Variants in EPHA6 observed in about 807,000 individuals in gnomAD.
The protein encoded by EPHA6 is ephrin type-A receptor 6.
EPHA6 carries 50 observed loss-of-function variants against 112.0 expected under a neutral mutation model. The ratio of observed to expected loss-of-function variants is 0.45; its 90% CI spans 0.36 to 0.56. The LOEUF is 0.56. Ranked by LOEUF, EPHA6 falls within the 20% of genes least tolerant of loss-of-function variation. The pLI, the probability that EPHA6 is intolerant of heterozygous loss-of-function variation, is 0.00. For missense variants in EPHA6, 1,280 were observed against 1,417.4 expected, an observed-to-expected ratio of 0.90 and a Z score of 1.56; for synonymous variants, 529 against 490.7, an observed-to-expected ratio of 1.08 and a Z score of -1.03.
At chr3:97,245,402 T>G (rs2108584968) in intron 5 of EPHA6, among the ~76,000 whole-genome samples, 1 of 152,104 alleles carries the variant, frequency 6.6e-6, no homozygotes, top group East Asian at 1.9e-4. Flanking sequence ...TCATTTTACC[T>G]TAATTACTCT....
Position 97,671,799 on chromosome 3 carries a change from A to G in EPHA6, c.2784+33717A>G, listed in dbSNP as rs146517326. 4.2e-3 allele frequency among the ~76,000 whole-genome samples: 644 copies of G among 152,274 alleles called. 2 individuals are homozygous for G. Among genetic ancestry groups the G allele is most frequent in the African/African-American group, 0.015 (616 of 41,568 alleles). On this transcript the variant is annotated intron_variant, in intron 14 of 17. Transcript: ENST00000389672. ...ACAGCTGCAGAAGTTTTGGGACAAAAGATGAAATTCCAGTATAGATTTTCA... is the reference window on the plus strand; with the variant it reads ...ACAGCTGCAGAAGTTTTGGGACAAAGGATGAAATTCCAGTATAGATTTTCA...
chr3:97,492,255 A>G (rs2091859363), intron 10 of EPHA6, among the ~76,000 whole-genome samples: 2 of 152,020 alleles, frequency 1.3e-5, no homozygotes, highest in South Asian at 4.1e-4. Context: ...ACAAAAAGGA[A>G]TAATGAGCTG....
chr3:97,250,965 C>T (rs1454282131), intron 5 of EPHA6, among the ~76,000 whole-genome samples: 1 of 151,608 alleles, frequency 6.6e-6, no homozygotes, highest in African/African-American at 2.4e-5. Flanking sequence ...CTCCTGGGTT[C>T]AGACAATTCT....
chr3:97,163,557 A>G (rs562858512), intron 3 of EPHA6, among the ~76,000 whole-genome samples: 13 of 152,250 alleles, frequency 8.5e-5, no homozygotes, highest in Admixed American at 5.9e-4. Flanking sequence ...AGGAGTCACA[A>G]TTTGTACCTT....
intron 2 of EPHA6, among the ~76,000 whole-genome samples, chr3:96,889,367 G>T (rs1004451942): frequency 6.6e-6 from 1 of 152,138 alleles, no homozygotes; most frequent in Non-Finnish European, 1.5e-5. Context: ...TGCTAATAAA[G>T]ACGTATCCGA....
At chr3:97,653,979 G>C (rs1576211399) in intron 14 of EPHA6, among the ~76,000 whole-genome samples, 1 of 151,914 alleles carries the variant, frequency 6.6e-6, no homozygotes, top group South Asian at 2.1e-4. Context: ...ACCAAGAGCT[G>C]CAGGGAGAGG....
At chr3:97,424,312 G>C (rs541325991) in intron 6 of EPHA6, among the ~76,000 whole-genome samples, 60 of 152,018 alleles carry the variant, frequency 3.9e-4, no homozygotes, top group Non-Finnish European at 7.6e-4. Context: ...GATTTTGGTG[G>C]GGACACAGCC....
chr3:97,454,152 A>G (rs2090606994), intron 7 of EPHA6, among the ~76,000 whole-genome samples: 2 of 151,710 alleles, frequency 1.3e-5, no homozygotes, highest in African/African-American at 4.8e-5. Context: ...ACAAATGATC[A>G]CTCTAGCTTC....
chr3:97,030,385 C>T (rs2108013259), intron 3 of EPHA6, among the ~76,000 whole-genome samples: 1 of 152,180 alleles, frequency 6.6e-6, no homozygotes, highest in South Asian at 2.1e-4. Flanking sequence ...TACACTCTAC[C>T]TAGAAGCTAG....
intron 5 of EPHA6, among the ~76,000 whole-genome samples, chr3:97,354,987 C>T (rs965008121): frequency 1.3e-5 from 2 of 151,818 alleles, no homozygotes; most frequent in South Asian, 2.1e-4. Context: ...AACAAACAAC[C>T]CTTTATCCTG....
chr3:97,611,577 G>A (rs1482694568), intron 13 of EPHA6, among the ~76,000 whole-genome samples: 3 of 151,640 alleles, frequency 2.0e-5, no homozygotes, highest in Non-Finnish European at 4.4e-5. Flanking sequence ...AGTGAAAAAA[G>A]TGAAATATAA....
At chr3:97,287,944 C>G (rs1193058024) in intron 5 of EPHA6, among the ~76,000 whole-genome samples, 1 of 151,810 alleles carries the variant, frequency 6.6e-6, no homozygotes, top group Non-Finnish European at 1.5e-5. Context: ...AGAATTCCCT[C>G]CTCTGCAATT....
intron 10 of EPHA6, among the ~76,000 whole-genome samples, chr3:97,493,904 C>G (rs1240651827): frequency 6.6e-6 from 1 of 152,024 alleles, no homozygotes; most frequent in East Asian, 1.9e-4. Flanking sequence ...AGCAATAGGT[C>G]TCCCAGAGTA....
chr3:97,485,175 A>G (rs1257230602), intron 10 of EPHA6, among the ~76,000 whole-genome samples: 1 of 152,184 alleles, frequency 6.6e-6, no homozygotes, highest in Non-Finnish European at 1.5e-5. Flanking sequence ...GCCAGGTGTC[A>G]TGTCTTTACA....
chr3:96,968,714 T>G (rs1002785361), intron 2 of EPHA6, among the ~76,000 whole-genome samples: 3 of 151,848 alleles, frequency 2.0e-5, no homozygotes, highest in Non-Finnish European at 4.4e-5. Flanking sequence ...AATTTTAGTT[T>G]ACTATTCTGT....
intron 3 of EPHA6, among the ~76,000 whole-genome samples, chr3:97,080,768 AAAAATAAAG>A: frequency 6.6e-6 from 1 of 152,166 alleles, no homozygotes; most frequent in Non-Finnish European, 1.5e-5. Flanking sequence ...CTGTTCCTTT[AAAAATAAAG>A]ATAACATACA....
intron 1 of EPHA6, among the ~76,000 whole-genome samples, chr3:96,833,599 G>A (rs910345156): frequency 3.3e-5 from 5 of 151,978 alleles, no homozygotes; most frequent in Non-Finnish European, 4.4e-5. Flanking sequence ...GTAAGAGATG[G>A]AGTGGATATA....
chr3:97,140,116 G>A (rs2075863099), intron 3 of EPHA6, among the ~76,000 whole-genome samples: 2 of 151,532 alleles, frequency 1.3e-5, no homozygotes, highest in Non-Finnish European at 2.9e-5. Flanking sequence ...GAACTGGAAG[G>A]CAAATCTTTT....
chr3:97,018,736 G>A (rs1003859964), intron 3 of EPHA6, among the ~76,000 whole-genome samples: 1 of 152,208 alleles, frequency 6.6e-6, no homozygotes, highest in Non-Finnish European at 1.5e-5. Context: ...CCGGATAACC[G>A]CAAGCGAGCT....
Sources: allele counts gnomAD v4.1 joint callset (sites outside exome capture counted in the v4.1 genomes callset), GRCh38; gene constraint gnomAD v4.1.1; transcripts MANE v1.5; gene names NCBI Gene and HGNC (gene_info 2026-07-23, HGNC 2026-07-21).